PRDM10: variants seen among roughly 807,000 people sequenced by gnomAD.
The protein encoded by PRDM10 is PR/SET domain 10.
A neutral mutation model predicts 133.1 loss-of-function variants in PRDM10; 65 were observed. The ratio of observed to expected loss-of-function variants is 0.49; its 90% CI spans 0.40 to 0.60. PRDM10 has a LOEUF of 0.60. PRDM10 is among the 20% of genes least tolerant of loss of function. The probability of loss-of-function intolerance (pLI) is 0.00; values close to 1 mark genes in which losing one functional copy is unlikely to be tolerated. For missense variants in PRDM10, 1,137 were observed against 1,507.1 expected, an observed-to-expected ratio of 0.75 and a Z score of 4.07; for synonymous variants, 582 against 580.4, an observed-to-expected ratio of 1.00 and a Z score of -0.04.
chr11:129,951,058 T>C (rs1054277845), intron 4 of PRDM10, among the ~76,000 whole-genome samples: 1 of 152,210 alleles, frequency 6.6e-6, no homozygotes, highest in African/African-American at 2.4e-5. Context: ...TGCAAACTGC[T>C]GTGGAAAAGG....
At chr11:129,931,619 G>C (rs1036681077) in intron 10 of PRDM10, among the ~76,000 whole-genome samples, 7 of 150,720 alleles carry the variant, frequency 4.6e-5, no homozygotes, top group Non-Finnish European at 1.0e-4. Flanking sequence ...CCAGGCTGGA[G>C]TGCAGTGGCG....
In PRDM10 at chr11:129,923,147, A is replaced by G; in HGVS notation, c.2034+101T>C. On this transcript the variant is annotated intron_variant, in intron 13 of 20. Transcript: ENST00000360871. The surrounding 1 kb of genome is among the most constrained non-coding windows in gnomAD (Gnocchi z 4.4). ...GAGTATCTCAGGTCCAGTTCATCAG[A>G]GGTGGGTGATAAACTGATGAAATGA... is the stretch of plus-strand genomic sequence containing the variant. The G allele has an allele frequency of 2.3e-6, 3 of 1,322,054 alleles. No homozygotes were observed. In the South Asian group the frequency reaches 4.8e-5, roughly 21 times the overall value. 81.9% of individuals were successfully genotyped at this position (1,322,054 alleles called of 1,614,324 possible). A position where few individuals can be genotyped will look rare whatever the true frequency, so the allele number is the denominator to read the frequency against.
At chr11:129,951,195 T>C (rs1951572670) in intron 4 of PRDM10, among the ~76,000 whole-genome samples, 1 of 152,192 alleles carries the variant, frequency 6.6e-6, no homozygotes. Flanking sequence ...CAGCTGGTGT[T>C]TACTGAGTGC....
intron 13 of PRDM10, among the ~76,000 whole-genome samples, chr11:129,922,419 T>A (rs1414282760): frequency 6.6e-6 from 1 of 152,230 alleles, no homozygotes; most frequent in Non-Finnish European, 1.5e-5. Flanking sequence ...AATTCTAAAT[T>A]GTGCTGTTAT....
At chr11:129,929,331 G>A in intron 11 of PRDM10, 12 of 1,379,508 alleles carry the variant, frequency 8.7e-6, no homozygotes, top group Non-Finnish European at 1.2e-5. Flanking sequence ...CCAGGATTTA[G>A]TAAGTACAGG....
intron 17 of PRDM10, among the ~76,000 whole-genome samples, chr11:129,913,197 G>A (rs1391391962): frequency 8.1e-6 from 1 of 122,884 alleles, no homozygotes; most frequent in Non-Finnish European, 1.6e-5. Context: ...CAGCCTGGGT[G>A]ACAATAGTGA....
Position 129,902,022 on chromosome 11 carries a change from C to T in PRDM10, c.*291G>A, listed in dbSNP as rs533079456. On this transcript the variant is annotated 3_prime_UTR_variant, in exon 21 of 21. Coordinates refer to ENST00000360871, the MANE Select transcript of PRDM10 (RefSeq NM_199437.2). ...ATTTCCACAAAGGAAAAGTAAGGCT[C>T]GTCAGTATGTTAAAAGACCAGCTCA... The T allele has an allele frequency of 5.5e-5, 18 of 326,406 alleles. No individual in the cohort carries two copies. The highest frequency in any genetic ancestry group is 2.3e-4 in the East Asian group (4 of 17,110). The allele number at this position is 326,406 out of a possible 1,614,324, so 20.2% of individuals were successfully genotyped here.
chr11:129,903,917 G>A (rs892265572), intron 20 of PRDM10, among the ~76,000 whole-genome samples: 2 of 152,140 alleles, frequency 1.3e-5, no homozygotes, highest in East Asian at 1.9e-4. Flanking sequence ...GTGGCAGGGG[G>A]AGAGAAATAA....
intron 17 of PRDM10, among the ~76,000 whole-genome samples, chr11:129,912,758 A>G (rs1360485415): frequency 7.0e-6 from 1 of 143,588 alleles, no homozygotes; most frequent in Non-Finnish European, 1.5e-5. Context: ...TCTCGAAAAA[A>G]AAAAAAAAAT....
At chr11:129,912,952 C>G (rs1950236031) in intron 17 of PRDM10, among the ~76,000 whole-genome samples, 1 of 149,246 alleles carries the variant, frequency 6.7e-6, no homozygotes, top group Admixed American at 6.7e-5. Context: ...CCCAGCTACT[C>G]AGGAGGCTAA....
chr11:129,907,120 C>T (rs932657605), intron 19 of PRDM10, among the ~76,000 whole-genome samples: 1 of 151,956 alleles, frequency 6.6e-6, no homozygotes, highest in African/African-American at 2.4e-5. Flanking sequence ...TAGAAGTACA[C>T]ACACCAGCTA....
chr11:129,990,345 CA>C (rs1222504533), intron 1 of PRDM10, among the ~76,000 whole-genome samples: 60 of 148,572 alleles, frequency 4.0e-4, no homozygotes, highest in African/African-American at 1.4e-3. Flanking sequence ...GACTCCACCA[CA>C]AAAAAAACAA....
chr11:129,951,850 T>C (rs1392761994), intron 4 of PRDM10, among the ~76,000 whole-genome samples: 1 of 151,754 alleles, frequency 6.6e-6, no homozygotes, highest in Non-Finnish European at 1.5e-5. Flanking sequence ...AATGCATACA[T>C]GAAAAAGGAT....
rs562424644 is a variant in PRDM10 at position 129,998,099 on chromosome 11, GT to G, written c.-119+4622del. On this transcript the variant is annotated intron_variant, in intron 1 of 20. Transcript: ENST00000360871. ...GAAACAGGTGAAATTAATTATAATA[GT>G]ATATTGCATTTTACCCAGTCTATTC... Among the ~76,000 whole-genome samples the G allele has an allele frequency of 1.7e-3, 262 of 152,228 alleles. 1 individual carries two copies. Among genetic ancestry groups the G allele is most frequent in the African/African-American group, 5.9e-3 (244 of 41,528 alleles).
intron 1 of PRDM10, among the ~76,000 whole-genome samples, chr11:130,001,366 GAA>G (rs938923541): frequency 3.9e-5 from 6 of 152,114 alleles, no homozygotes; most frequent in African/African-American, 1.4e-4. Flanking sequence ...GAACAGGTCA[GAA>G]AAAGAGGCCA....
chr11:129,915,166 C>T (rs1950317595), intron 16 of PRDM10, 148 bp from the exon 17 acceptor site: 1 of 807,758 alleles, frequency 1.2e-6, no homozygotes, highest in South Asian at 2.0e-5. Context: ...GCCTGTACTT[C>T]CTGGGGTAAC....
intron 1 of PRDM10, among the ~76,000 whole-genome samples, chr11:129,982,332 A>G (rs1938161274): frequency 6.6e-6 from 1 of 150,724 alleles, no homozygotes; most frequent in Non-Finnish European, 1.5e-5. Flanking sequence ...GTGCAATCTC[A>G]GCTCACTGCA....
intron 6 of PRDM10, 30 bp from the exon 7 acceptor site, chr11:129,942,659 A>G (rs754396980): frequency 6.4e-7 from 1 of 1,558,922 alleles, no homozygotes; most frequent in South Asian, 1.2e-5. Flanking sequence ...CACCAAAAAC[A>G]AAACAAAACC....
chr11:129,988,716 G>T (rs1018392661), intron 1 of PRDM10, among the ~76,000 whole-genome samples: 3 of 151,776 alleles, frequency 2.0e-5, no homozygotes, highest in Non-Finnish European at 2.9e-5. Context: ...TGCAAGCTCT[G>T]CCTCCCAGGT....
Sources: allele counts gnomAD v4.1 joint callset (sites outside exome capture counted in the v4.1 genomes callset), GRCh38; gene constraint gnomAD v4.1.1; non-coding constraint Gnocchi (gnomAD v3.1); transcripts MANE v1.5; gene names NCBI Gene and HGNC (gene_info 2026-07-23, HGNC 2026-07-21).